The following IL18BP variants were observed in gnomAD, a reference collection of about 807,000 sequenced individuals.
IL18BP encodes the protein interleukin-18-binding protein.
Under a neutral mutation model 19.9 loss-of-function variants are expected in IL18BP, and 23 were observed. That is an observed-to-expected ratio of 1.15 (90% CI 0.83 to 1.64). The LOEUF is 1.64. Ranked by LOEUF, IL18BP falls within the 40% of genes most tolerant of loss-of-function variation. The pLI, the probability that IL18BP is intolerant of heterozygous loss-of-function variation, is 0.00. For synonymous variants in IL18BP, 107 were observed against 101.0 expected, an observed-to-expected ratio of 1.06 and a Z score of -0.35; for missense variants, 239 against 240.7, an observed-to-expected ratio of 0.99 and a Z score of 0.05.
downstream of IL18BP, chr11:72,003,883 C>T (rs752972664): frequency 4.2e-5 from 67 of 1,613,360 alleles, no homozygotes; most frequent in Non-Finnish European, 5.1e-5. Context: ...GCCAGTGCCT[C>T]TACCTTGCCC....
At chr11:71,999,429 T>G (rs1280771156) in intron 1 of IL18BP, 1 of 244,860 alleles carries the variant, frequency 4.1e-6, no homozygotes, top group African/African-American at 2.3e-5. Context: ...GGGGGTAGAT[T>G]AGAGATCCCA....
chr11:72,004,929 T>A, downstream of IL18BP: 1 of 1,102,938 alleles, frequency 9.1e-7, no homozygotes, highest in Non-Finnish European at 1.3e-6. Context: ...GGACCCTTCC[T>A]GCCTCACGAG....
At chr11:72,004,579 G>T, downstream of IL18BP, 1 of 1,531,046 alleles carries the variant, frequency 6.5e-7, no homozygotes, top group Non-Finnish European at 8.9e-7. Context: ...TTTAGTCCTT[G>T]GTGAGCTGGG....
downstream of IL18BP, chr11:72,005,225 G>A (rs748727092): frequency 1.3e-6 from 2 of 1,590,986 alleles, no homozygotes; most frequent in South Asian, 1.1e-5. Flanking sequence ...AGTGACCCCA[G>A]GCCTCACCCT....
At chr11:72,001,354 AAGG>A (rs756653354) in intron 4 of IL18BP, 30 bp downstream of exon 4, 66 of 1,614,078 alleles carry the variant, frequency 4.1e-5, no homozygotes, top group Non-Finnish European at 5.2e-5. Context: ...GGTGGGTGGG[AAGG>A]AGGCCTTCTG....
rs899046534 is a variant in IL18BP at position 72,001,567 on chromosome 11, G to A, written c.507+15G>A. ...CCCAGCTCTGGGTGAGGAGCCCAAG[G>A]AGAGGCCTCCAGGAACAGGAGGAGC... On this transcript the variant is annotated intron_variant, in intron 5 of 5. Transcript: ENST00000393703. 15 of 1,609,086 alleles carry A rather than the reference G, an allele frequency of 9.3e-6. No homozygotes were observed. The highest frequency in any genetic ancestry group is 7.6e-6 in the Non-Finnish European group (9 of 1,177,748).
At chr11:72,007,074 G>A, downstream of IL18BP, 1 of 1,294,138 alleles carries the variant, frequency 7.7e-7, no homozygotes, top group Admixed American at 2.2e-5. Context: ...CTTTCCCACT[G>A]TAACATGGAC....
Position 72,000,541 on chromosome 11 carries a change from G to T in IL18BP, c.219G>T (p.Glu73Asp), listed in dbSNP as rs1273966135. The change falls in exon 3 of 6, where the codon GAG becomes GAT. Residue 73 changes from glutamate to aspartate, a missense_variant. Glu to Asp is a conservative substitution (Grantham distance 45). Transcript: ENST00000393703. The stretch of plus-strand genomic sequence containing the variant: ...CAGCATTGGAAGTGACCTGGCCAGA[G>T]GTGGAAGTGCCACTGAGTAAGAAGC... Reference protein sequence around the residue: ...QCPALEVTWPEVEVPLNGTLS... With the variant: ...QCPALEVTWPDVEVPLNGTLS... 3.1e-6 allele frequency: 5 copies of T among 1,611,388 alleles called. No homozygotes were observed. The highest frequency in any genetic ancestry group is 3.4e-6 in the Non-Finnish European group (4 of 1,179,994).
Position 72,001,632 on chromosome 11 carries a change from A to C in IL18BP, c.507+80A>C, listed in dbSNP as rs745412202. On this transcript the variant is annotated intron_variant, in intron 5 of 5. Transcript: ENST00000393703. ...TGGGGAGGAAAGGGTGGGCTCTGCC[A>C]GAGCAGCCTGTGAACTAATGCCCAG... is the stretch of plus-strand genomic sequence containing the variant. 21 of 1,591,406 alleles carry C rather than the reference A, an allele frequency of 1.3e-5. No individual in the cohort carries two copies. In the East Asian group the frequency reaches 3.5e-4, roughly 26 times the overall value.
downstream of IL18BP, chr11:72,004,177 A>G (rs780758695): frequency 5.6e-6 from 9 of 1,603,834 alleles, no homozygotes; most frequent in East Asian, 2.0e-4. Flanking sequence ...CTCTATCAGC[A>G]AGGTCCCGCC....
chr11:72,004,520 GAGAGAGGGAA>G (rs1379775546), downstream of IL18BP: 9 of 1,277,468 alleles, frequency 7.0e-6, no homozygotes, highest in South Asian at 5.4e-5. Context: ...CAGGCCCTTG[GAGAGAGGGAA>G]AGAGAGGGGG....
At chr11:72,004,955 G>A (rs1955587295), downstream of IL18BP, 2 of 903,710 alleles carry the variant, frequency 2.2e-6, no homozygotes, top group South Asian at 3.6e-5. Flanking sequence ...AAGACACAAG[G>A]CCTCCTTTCC....
downstream of IL18BP, chr11:72,008,156 A>G (rs1352301256): frequency 6.3e-6 from 3 of 477,902 alleles, no homozygotes; most frequent in South Asian, 1.5e-5. Flanking sequence ...CTAGCACAAA[A>G]TAAGTAAATG....
At chr11:72,007,775 G>GC (rs553730436), downstream of IL18BP, 77 of 381,298 alleles carry the variant, frequency 2.0e-4, no homozygotes, top group South Asian at 1.3e-3. Flanking sequence ...GAATAGGAAC[G>GC]CCCCCCACTC....
At chr11:72,001,048 T>G (rs1955193348) in intron 3 of IL18BP, among the ~76,000 whole-genome samples, 153 bp from the exon 4 acceptor site, 1 of 152,246 alleles carries the variant, frequency 6.6e-6, no homozygotes, top group Non-Finnish European at 1.5e-5. Flanking sequence ...ACTGCACTTC[T>G]GTAACGGACG....
chr11:72,003,236 C>T, downstream of IL18BP: 1 of 478,582 alleles, frequency 2.1e-6, no homozygotes, highest in Non-Finnish European at 3.8e-6. Flanking sequence ...CCATCAAAAC[C>T]AGCCTCAAAT....
chr11:72,007,574 T>C (rs1955828740), downstream of IL18BP: 1 of 1,122,334 alleles, frequency 8.9e-7, no homozygotes, highest in East Asian at 2.6e-5. Flanking sequence ...TTTTCAGAGG[T>C]ACCAAGGAAA....
downstream of IL18BP, chr11:72,005,161 G>C: frequency 1.4e-5 from 21 of 1,467,558 alleles, no homozygotes; most frequent in Non-Finnish European, 1.8e-5. Context: ...CTAGTGCTCA[G>C]GCTAGATCAG....
At chr11:72,000,865 CAG>C (rs1251493217) in intron 3 of IL18BP, among the ~76,000 whole-genome samples, 2 of 152,214 alleles carry the variant, frequency 1.3e-5, no homozygotes, top group Non-Finnish European at 2.9e-5. Context: ...CTGGCCATCT[CAG>C]AGGAGCAGCA....
Sources: gnomAD v4.1 joint callset for allele counts (sites outside exome capture counted in the v4.1 genomes callset) on GRCh38, gnomAD v4.1.1 for gene constraint, MANE v1.5 for transcripts, NCBI Gene and HGNC (gene_info 2026-07-23, HGNC 2026-07-21) for gene names.